Variants in EFCAB5 observed in about 807,000 individuals in gnomAD.
The protein encoded by EFCAB5 is EF-hand calcium binding domain 5.
EFCAB5 carries 131 observed loss-of-function variants against 167.9 expected under a neutral mutation model. The ratio of observed to expected loss-of-function variants is 0.78; its 90% CI spans 0.68 to 0.90. EFCAB5 has a LOEUF of 0.90. Ranked by LOEUF, EFCAB5 falls within the 40% of genes least tolerant of loss-of-function variation. EFCAB5 has a pLI of 0.00. For missense variants in EFCAB5, 1,663 were observed against 1,745.2 expected, an observed-to-expected ratio of 0.95 and a Z score of 0.84; for synonymous variants, 574 against 602.8, an observed-to-expected ratio of 0.95 and a Z score of 0.70.
chr17:29,942,500 T>C (rs2067314262), intron 2 of EFCAB5, among the ~76,000 whole-genome samples, 198 bp downstream of exon 2: 1 of 152,156 alleles, frequency 6.6e-6, no homozygotes, highest in African/African-American at 2.4e-5. Context: ...GGTAAATTAT[T>C]TGTGAAGAAC....
At chr17:29,978,884 G>A (rs1370488666) in intron 4 of EFCAB5, among the ~76,000 whole-genome samples, 2 of 152,186 alleles carry the variant, frequency 1.3e-5, no homozygotes. Context: ...AATTGCTTTG[G>A]TTTTTACATC....
intron 7 of EFCAB5, among the ~76,000 whole-genome samples, chr17:30,022,796 C>A (rs958711830): frequency 1.6e-4 from 25 of 152,074 alleles, no homozygotes; most frequent in Non-Finnish European, 2.6e-4. Flanking sequence ...AGAACACTAG[C>A]AAATGTAAAA....
Position 29,993,218 on chromosome 17 carries a change from TAGAC to T in EFCAB5, c.823_826del (p.Asp275LysfsTer3). 1 of 1,613,608 alleles carries T rather than the reference TAGAC, an allele frequency of 6.2e-7. No individual in the cohort carries two copies. Among genetic ancestry groups the T allele is most frequent in the Non-Finnish European group, 8.5e-7 (1 of 1,179,708 alleles). ...CAGAATAGAAAACAAAGAGAAAGCA[TAGAC>T]AAAATCATAGTCAAGGTGGCCAACA... On this transcript the variant is annotated frameshift_variant, in exon 5 of 23. Coordinates refer to ENST00000394835, the MANE Select transcript of EFCAB5 (RefSeq NM_198529.4). LOFTEE classifies it high-confidence loss of function.
At chr17:29,963,303 G>T (rs1027186289) in intron 3 of EFCAB5, among the ~76,000 whole-genome samples, 2 of 152,100 alleles carry the variant, frequency 1.3e-5, no homozygotes, top group African/African-American at 4.8e-5. Context: ...CATATGCATT[G>T]ATTATGTGGC....
chr17:30,001,142 C>G (rs1281496416), intron 7 of EFCAB5, among the ~76,000 whole-genome samples: 1 of 152,118 alleles, frequency 6.6e-6, no homozygotes, highest in Non-Finnish European at 1.5e-5. Flanking sequence ...CTGGTGCTTC[C>G]CCTGTGGCCC....
intron 8 of EFCAB5, among the ~76,000 whole-genome samples, chr17:30,046,352 A>G (rs2069928656): frequency 6.6e-6 from 1 of 152,142 alleles, no homozygotes; most frequent in Admixed American, 6.6e-5. Flanking sequence ...AATAGTGATG[A>G]CCCCTGGGGT....
rs9892213 is a variant in EFCAB5, at chr17:29,987,465, G to A, written c.768-5700G>A. On this transcript the variant is annotated intron_variant, in intron 4 of 22. Coordinates refer to ENST00000394835, the MANE Select transcript of EFCAB5 (RefSeq NM_198529.4). ...CCTATTTCCCAACTTTTTATTATCA[G>A]ATCTCTCCACCAAACCAGTTGTTCT... Among the ~76,000 whole-genome samples the A allele has an allele frequency of 6.3e-3, 961 of 152,212 alleles. 5 individuals are homozygous for A. Among genetic ancestry groups the A allele is most frequent in the African/African-American group, 0.022 (922 of 41,512 alleles).
At chr17:30,107,808 A>G in intron 22 of EFCAB5, 26 bp from the exon 23 acceptor site, 1 of 1,476,734 alleles carries the variant, frequency 6.8e-7, no homozygotes, top group South Asian at 1.4e-5. Flanking sequence ...CTCCACTCTT[A>G]CTTTTCTTTT....
chr17:30,089,065 T>TA (rs2071144245), intron 19 of EFCAB5, among the ~76,000 whole-genome samples: 1 of 152,186 alleles, frequency 6.6e-6, no homozygotes, highest in South Asian at 2.1e-4. Flanking sequence ...ACATTAGGTA[T>TA]ATCTACTAAT....
At chr17:30,008,315 G>T (rs1348034468) in intron 7 of EFCAB5, among the ~76,000 whole-genome samples, 1 of 151,768 alleles carries the variant, frequency 6.6e-6, no homozygotes. Context: ...TTTTAAGGCT[G>T]GGTGAGGTGG....
In EFCAB5 at chr17:29,980,332, A is replaced by G. The variant is rs1471745003; in HGVS notation, c.767+10965A>G. ...GAACTTATACAGTCTATTTGAGGAA[A>G]TATAACTAAAACAGCCAGTTTTATC... On this transcript the variant is annotated intron_variant, in intron 4 of 22. Transcript: ENST00000394835. Among the ~76,000 whole-genome samples, 6 of 152,346 alleles carry G rather than the reference A, an allele frequency of 3.9e-5. No individual in the cohort carries two copies. The East Asian group carries it at 1.2e-3, about 29-fold the overall frequency.
chr17:29,930,775 G>A (rs1205700433), intron 1 of EFCAB5, among the ~76,000 whole-genome samples: 1 of 152,102 alleles, frequency 6.6e-6, no homozygotes, highest in Non-Finnish European at 1.5e-5. Flanking sequence ...ACCCTGGAAA[G>A]GTTTGTGGTA....
chr17:29,993,091 G>A, intron 4 of EFCAB5, 74 bp from the exon 5 acceptor site: 1 of 1,379,772 alleles, frequency 7.2e-7, no homozygotes, highest in Non-Finnish European at 9.6e-7. Context: ...AAGAGAGTCT[G>A]AATTCCTGTG....
At chr17:30,012,164 T>TAGCGTA (rs2068920017) in intron 7 of EFCAB5, among the ~76,000 whole-genome samples, 3 of 152,260 alleles carry the variant, frequency 2.0e-5, no homozygotes, top group African/African-American at 7.2e-5. Context: ...GGTCTAGCAG[T>TAGCGTA]AGCGTAAGTG....
At chr17:30,092,217 G>T in intron 21 of EFCAB5, 60 bp downstream of exon 21, 1 of 1,501,992 alleles carries the variant, frequency 6.7e-7, no homozygotes, top group Non-Finnish European at 8.9e-7. Context: ...AAATTTAACT[G>T]TACAAATCAT....
At chr17:29,947,523 A>T (rs746608846) in intron 3 of EFCAB5, among the ~76,000 whole-genome samples, 15 of 152,224 alleles carry the variant, frequency 9.9e-5, no homozygotes, top group African/African-American at 1.4e-4. Context: ...ACCACTATAC[A>T]ATTCATCCAT....
intron 14 of EFCAB5, chr17:30,068,782 C>T (rs2070649330): frequency 2.2e-6 from 3 of 1,350,354 alleles, no homozygotes; most frequent in East Asian, 2.3e-5. Flanking sequence ...CTTCTCCAGC[C>T]GGGCCCGCGA....
At chr17:30,068,811 C>A in intron 14 of EFCAB5, 1 of 1,364,060 alleles carries the variant, frequency 7.3e-7, no homozygotes, top group African/African-American at 1.4e-5. Context: ...CTCACAGTGG[C>A]AAACTGAGAG....
chr17:29,978,483 TAC>T (rs1261741280), intron 4 of EFCAB5, among the ~76,000 whole-genome samples: 1 of 152,196 alleles, frequency 6.6e-6, no homozygotes, highest in Non-Finnish European at 1.5e-5. Flanking sequence ...CATTATTAAA[TAC>T]TTAAGAAATT....
Sources: allele counts gnomAD v4.1 joint callset (sites outside exome capture counted in the v4.1 genomes callset), GRCh38; gene constraint gnomAD v4.1.1; transcripts MANE v1.5; gene names NCBI Gene and HGNC (gene_info 2026-07-23, HGNC 2026-07-21).